Variants in CWC27 observed in about 807,000 individuals in gnomAD.
CWC27 encodes the protein CWC27 spliceosome associated cyclophilin, also known as spliceosome-associated protein CWC27 homolog.
A neutral mutation model predicts 63.6 loss-of-function variants in CWC27; 47 were observed. The ratio of observed to expected loss-of-function variants is 0.74; its 90% confidence interval spans 0.58 to 0.94. The LOEUF is 0.94. CWC27 is among the 40% of genes least tolerant of loss of function. CWC27 has a pLI of 0.00. For synonymous variants in CWC27, 175 were observed against 179.8 expected (o/e 0.97, Z 0.22); for missense variants, 495 against 554.3 (o/e 0.89, Z 1.07).
At position 64,774,789 on chromosome 5, in the gene CWC27, T is replaced by TAA. The variant is rs762917044; in HGVS notation, c.139+3_139+4insAA. ...ATTTTATCCAACTTTGTTTGGAAGG[T>TAA]ATGTTGACTTTTATTCTACTGGAGA... On this transcript the variant is annotated splice_region_variant and intron_variant, in intron 2 of 13. Transcript: ENST00000381070. 2.8e-4 allele frequency: 305 copies of TAA among 1,095,950 alleles called. No homozygotes were observed. Among genetic ancestry groups the TAA allele is most frequent in the Admixed American group, 3.9e-4 (15 of 38,534 alleles). The allele number at this position is 1,095,950 out of a possible 1,614,324, so 67.9% of individuals were successfully genotyped here.
At chr5:64,944,998 C>T (rs1328120946) in intron 11 of CWC27, among the ~76,000 whole-genome samples, 1 of 152,134 alleles carries the variant, frequency 6.6e-6, no homozygotes, top group African/African-American at 2.4e-5. Flanking sequence ...CTCTCTCATT[C>T]ATGCTGTTCT....
At chr5:64,812,985 C>T (rs185733673) in intron 10 of CWC27, among the ~76,000 whole-genome samples, 148 of 152,210 alleles carry the variant, frequency 9.7e-4, no homozygotes, top group Admixed American at 2.2e-3. Context: ...AAATCAAAAA[C>T]AGTCAAATAT....
At chr5:64,969,361 C>G (rs1008572307) in intron 11 of CWC27, among the ~76,000 whole-genome samples, 1 of 152,040 alleles carries the variant, frequency 6.6e-6, no homozygotes, top group African/African-American at 2.4e-5. Context: ...TCTACTGATA[C>G]CCATCACAAT....
chr5:64,877,128 C>T lies in CWC27; in HGVS notation c.939-8315C>T, dbSNP rs118161115. Among the ~76,000 whole-genome samples the T allele has an allele frequency of 7.7e-4, 117 of 152,088 alleles. 1 individual carries two copies. In the East Asian group the frequency reaches 0.019, roughly 25 times the overall value. On this transcript the variant is annotated intron_variant, in intron 10 of 13. Coordinates refer to ENST00000381070, the MANE Select transcript of CWC27 (RefSeq NM_005869.4). ...ACCTATACCCCCATGTTTATTGCAG[C>T]ACTATTCACAATAGCCAAGATGTGG... is the stretch of plus-strand genomic sequence containing the variant.
At chr5:64,796,758 TCCC>T (rs1744282824) in intron 7 of CWC27, among the ~76,000 whole-genome samples, 1 of 27,822 alleles carries the variant, frequency 3.6e-5, no homozygotes, top group Non-Finnish European at 7.2e-5. Context: ...CCTCCCTCCC[TCCC>T]TCCCTCCCTC....
intron 4 of CWC27, 88 bp downstream of exon 4, chr5:64,784,067 C>T (rs553362083): frequency 2.3e-5 from 26 of 1,140,344 alleles, no homozygotes; most frequent in Admixed American, 2.0e-4. Flanking sequence ...ATTAACTTAT[C>T]TAAGAGCTAC....
chr5:64,916,608 C>G lies in CWC27; in HGVS notation c.1042+31062C>G, dbSNP rs147227611. On this transcript the variant is annotated intron_variant, in intron 11 of 13. Transcript: ENST00000381070. ...TTCTATCATCAGACAGCTCACTTAG[C>G]TTCTTTCCAGCCTGTTTGAACACCC... 2.2e-3 allele frequency among the ~76,000 whole-genome samples: 342 copies of G among 152,268 alleles called. 1 individual carries two copies. The highest frequency in any genetic ancestry group is 7.8e-3 in the African/African-American group (326 of 41,566).
At chr5:64,919,980 C>A (rs1747965626) in intron 11 of CWC27, among the ~76,000 whole-genome samples, 1 of 152,228 alleles carries the variant, frequency 6.6e-6, no homozygotes, top group Non-Finnish European at 1.5e-5. Flanking sequence ...TTTGAGAAAT[C>A]TCCACAATGC....
intron 13 of CWC27, among the ~76,000 whole-genome samples, chr5:65,007,626 C>CTT (rs57750177): frequency 9.2e-6 from 1 of 108,170 alleles, no homozygotes; most frequent in Non-Finnish European, 1.9e-5. Flanking sequence ...TCATCATTTT[C>CTT]TTTTTTTTTT....
At chr5:64,979,030 T>C (rs945234856) in intron 13 of CWC27, among the ~76,000 whole-genome samples, 10 of 152,198 alleles carry the variant, frequency 6.6e-5, no homozygotes, top group South Asian at 4.1e-4. Flanking sequence ...GAATTCCTCA[T>C]TAGCTTCAGA....
intron 10 of CWC27, among the ~76,000 whole-genome samples, chr5:64,842,538 G>T (rs751055016): frequency 1.7e-4 from 26 of 151,850 alleles, no homozygotes; most frequent in African/African-American, 5.6e-4. Context: ...TCCTGACCTC[G>T]TGATCCACTC....
chr5:64,971,631 G>A, intron 11 of CWC27, 72 bp from the exon 12 acceptor site: 1 of 1,178,690 alleles, frequency 8.5e-7, no homozygotes, highest in Non-Finnish European at 1.2e-6. Flanking sequence ...TCAGCAACAG[G>A]AGCATAAACA....
At chr5:64,789,933 A>G (rs1744016144) in intron 7 of CWC27, among the ~76,000 whole-genome samples, 1 of 152,178 alleles carries the variant, frequency 6.6e-6, no homozygotes. Flanking sequence ...ACATTGAATT[A>G]AAAGCATATT....
intron 11 of CWC27, among the ~76,000 whole-genome samples, chr5:64,905,200 C>CAAAAAAA (rs71608574): frequency 7.2e-4 from 40 of 55,554 alleles, no homozygotes; most frequent in African/African-American, 2.6e-3. Context: ...CACTACATCT[C>CAAAAAAA]AAAAAAAAAA....
At chr5:64,998,276 C>T (rs1229923986) in intron 13 of CWC27, among the ~76,000 whole-genome samples, 1 of 152,114 alleles carries the variant, frequency 6.6e-6, no homozygotes, top group African/African-American at 2.4e-5. Flanking sequence ...ATCTCATCTT[C>T]CCTATGGAAG....
chr5:64,854,538 AC>A (rs1432949578), intron 10 of CWC27, among the ~76,000 whole-genome samples: 1 of 152,226 alleles, frequency 6.6e-6, no homozygotes, highest in Non-Finnish European at 1.5e-5. Context: ...TGTGCAAAAA[AC>A]TATACATAAC....
intron 7 of CWC27, among the ~76,000 whole-genome samples, chr5:64,796,855 C>CCCTTCTTTCCTCCTTCCTT (rs1561411204): frequency 7.5e-6 from 1 of 134,206 alleles, no homozygotes; most frequent in African/African-American, 2.8e-5. Flanking sequence ...CTCCCTCCCT[C>CCCTTCTTTCCTCCTTCCTT]CCTTCTTTCC....
At chr5:64,990,623 A>G (rs1420662160) in intron 13 of CWC27, among the ~76,000 whole-genome samples, 1 of 152,188 alleles carries the variant, frequency 6.6e-6, no homozygotes, top group Non-Finnish European at 1.5e-5. Context: ...AATTTCCAGT[A>G]TAGGAAATTG....
chr5:64,894,090 C>T (rs1258221741), intron 11 of CWC27, among the ~76,000 whole-genome samples: 1 of 152,016 alleles, frequency 6.6e-6, no homozygotes, highest in Non-Finnish European at 1.5e-5. Context: ...CCACCATACC[C>T]AGCTATTTTT....
Sources: gnomAD v4.1 joint callset for allele counts (sites outside exome capture counted in the v4.1 genomes callset) on GRCh38, gnomAD v4.1.1 for gene constraint, MANE v1.5 for transcripts, NCBI Gene and HGNC (gene_info 2026-07-23, HGNC 2026-07-21) for gene names.